KCNQ5: variants seen among roughly 807,000 people sequenced by gnomAD.
KCNQ5 encodes potassium voltage-gated channel subfamily Q member 5, also known as potassium voltage-gated channel subfamily KQT member 5.
A neutral mutation model predicts 98.2 loss-of-function variants in KCNQ5; 30 were observed. The observed-to-expected ratio is 0.31, with a 90% CI of 0.23 to 0.41. The LOEUF (loss-of-function observed/expected upper bound fraction) is 0.41. KCNQ5 is among the 10% of genes least tolerant of loss of function. KCNQ5 has a pLI of 1.00. For synonymous variants in KCNQ5, 458 were observed against 449.4 expected, an observed-to-expected ratio of 1.02 and a Z score of -0.24; for missense variants, 835 against 1,182.5, an observed-to-expected ratio of 0.71 and a Z score of 4.31.
chr6:73,055,234 CTA>C, intron 3 of KCNQ5: 1 of 1,241,374 alleles, frequency 8.1e-7, no homozygotes, highest in Non-Finnish European at 1.2e-6. Context: ...GAGATGCTGG[CTA>C]TGAGTTTGAC....
chr6:73,068,633 C>A lies in KCNQ5; in HGVS notation c.617-8689C>A, dbSNP rs772837583. Among the ~76,000 whole-genome samples, 143 of 152,154 alleles carry A rather than the reference C, an allele frequency of 9.4e-4. 1 individual carries two copies. The highest frequency in any genetic ancestry group is 3.4e-4 in the Non-Finnish European group (23 of 68,024). On this transcript the variant is annotated intron_variant, in intron 3 of 13. Coordinates refer to ENST00000370398, the MANE Select transcript of KCNQ5 (RefSeq NM_019842.4). ...TCAGTCACTTAACAAGGTAACCCAG[C>A]TATTAAGCAGCAGAGCCAGGATTGG...
chr6:72,693,742 A>G (rs1439642214), intron 1 of KCNQ5, among the ~76,000 whole-genome samples: 1 of 152,200 alleles, frequency 6.6e-6, no homozygotes, highest in African/African-American at 2.4e-5. Context: ...TAATAAGAAG[A>G]GGCATTAAAA....
At chr6:72,785,214 AAC>A in intron 1 of KCNQ5, among the ~76,000 whole-genome samples, 1 of 152,190 alleles carries the variant, frequency 6.6e-6, no homozygotes, top group Non-Finnish European at 1.5e-5. Flanking sequence ...ATGTTAGAGG[AAC>A]ACATGCCTGC....
At chr6:72,945,889 C>G (rs1013293950) in intron 1 of KCNQ5, among the ~76,000 whole-genome samples, 8 of 152,168 alleles carry the variant, frequency 5.3e-5, no homozygotes, top group Non-Finnish European at 8.8e-5. Context: ...TGACCGCTCA[C>G]AAATTTTAAC....
At chr6:72,641,923 T>C (rs1402929932) in intron 1 of KCNQ5, among the ~76,000 whole-genome samples, 1 of 151,846 alleles carries the variant, frequency 6.6e-6, no homozygotes, top group Non-Finnish European at 1.5e-5. Context: ...TTTATTTTTA[T>C]GAACAATTCT....
chr6:73,122,926 C>T (rs1775801754), intron 8 of KCNQ5, among the ~76,000 whole-genome samples: 1 of 152,132 alleles, frequency 6.6e-6, no homozygotes, highest in East Asian at 1.9e-4. Flanking sequence ...AGTGGCTTAC[C>T]GAATGGAGAG....
intron 1 of KCNQ5, among the ~76,000 whole-genome samples, chr6:72,861,827 T>TAA (rs34487550): frequency 0.2 from 29,998 of 147,046 alleles, 3,848 homozygotes; most frequent in South Asian, 0.34. Context: ...TAAAGTATAA[T>TAA]AAAAAAAAAA....
intron 1 of KCNQ5, among the ~76,000 whole-genome samples, chr6:72,858,522 T>C (rs1340995608): frequency 6.6e-6 from 1 of 151,822 alleles, no homozygotes; most frequent in Non-Finnish European, 1.5e-5. Flanking sequence ...AAAACATTTT[T>C]CTGAAAATAG....
At chr6:73,135,034 G>A (rs1776408932) in intron 10 of KCNQ5, 1 of 152,098 alleles carries the variant, frequency 6.6e-6, no homozygotes, top group African/African-American at 2.4e-5. Context: ...CTTTCTGGAG[G>A]GCAATTTGGC....
Position 73,029,735 on chromosome 6 carries a change from C to T in KCNQ5, c.490-12201C>T, listed in dbSNP as rs528013980. 1.1e-3 allele frequency among the ~76,000 whole-genome samples: 173 copies of T among 151,368 alleles called. 5 individuals carry two copies. The South Asian group carries it at 0.022, about 19-fold the overall frequency. On this transcript the variant is annotated intron_variant, in intron 2 of 13. Transcript: ENST00000370398. ...GATCACGAGGTCAGGAGATCGAGAC[C>T]ATCCTGCCTAACACGGTGAAACCCC...
intron 1 of KCNQ5, among the ~76,000 whole-genome samples, chr6:72,809,626 A>C (rs1316917828): frequency 6.6e-6 from 1 of 152,210 alleles, no homozygotes; most frequent in Non-Finnish European, 1.5e-5. Context: ...CACAGAACAC[A>C]TGTAAAAATT....
intron 1 of KCNQ5, among the ~76,000 whole-genome samples, chr6:72,915,546 T>C (rs189065067): frequency 9.7e-4 from 148 of 152,222 alleles, no homozygotes; most frequent in Non-Finnish European, 1.6e-3. Flanking sequence ...TCCCAGAAAA[T>C]AGCAGATTCC....
At chr6:72,652,931 C>T (rs549315903) in intron 1 of KCNQ5, among the ~76,000 whole-genome samples, 14 of 152,122 alleles carry the variant, frequency 9.2e-5, no homozygotes, top group South Asian at 4.2e-4. Flanking sequence ...TTTATATATA[C>T]GTATATAAAG....
At chr6:72,994,519 C>A (rs9446810) in intron 1 of KCNQ5, among the ~76,000 whole-genome samples, 1 of 142,606 alleles carries the variant, frequency 7.0e-6, no homozygotes, top group African/African-American at 2.7e-5. Flanking sequence ...TGCTTTGGCT[C>A]GCGCACGGTG....
chr6:72,868,101 A>G (rs1376784973), intron 1 of KCNQ5, among the ~76,000 whole-genome samples: 1 of 152,094 alleles, frequency 6.6e-6, no homozygotes, highest in African/African-American at 2.4e-5. Flanking sequence ...ATGTAACTTC[A>G]TGGGAGTCCT....
intron 3 of KCNQ5, among the ~76,000 whole-genome samples, chr6:73,059,748 T>G (rs897585087): frequency 1.3e-5 from 2 of 152,088 alleles, no homozygotes; most frequent in Non-Finnish European, 2.9e-5. Context: ...TTTTACCACT[T>G]GGGTCAAGAA....
In KCNQ5 at chr6:73,195,427, C is replaced by A; in HGVS notation, c.*13C>A. ...CAAACTGAAATAAGTTCTTCATTTT[C>A]TTTCCAGGCATAGCAGTTCTTTAGC... On this transcript the variant is annotated 3_prime_UTR_variant, in exon 14 of 14. Coordinates refer to ENST00000370398, the MANE Select transcript of KCNQ5 (RefSeq NM_019842.4). 6.2e-7 allele frequency: 1 copy of A among 1,607,472 alleles called. No homozygotes were observed. The highest frequency in any genetic ancestry group is 8.5e-7 in the Non-Finnish European group (1 of 1,175,470).
At chr6:72,819,125 T>C (rs1775637801) in intron 1 of KCNQ5, among the ~76,000 whole-genome samples, 1 of 151,874 alleles carries the variant, frequency 6.6e-6, no homozygotes, top group Non-Finnish European at 1.5e-5. Flanking sequence ...AGTTCGACAA[T>C]TTTATTTTTA....
rs1031352015 is a variant in KCNQ5, at chr6:72,986,970, C to T, written c.399-16938C>T. 2.0e-5 allele frequency: 16 copies of T among 800,896 alleles called. 1 individual carries two copies. Among genetic ancestry groups the T allele is most frequent in the Non-Finnish European group, 6.3e-6 (3 of 474,896 alleles). The allele number at this position is 800,896 out of a possible 1,614,324, so 49.6% of individuals were successfully genotyped here. ...ACGGAAGCAGAAGAGCCCCAGGGAG[C>T]ACAGTGGGAAGGTGAAGAAGAAGAA... On this transcript the variant is annotated intron_variant, in intron 1 of 13. Transcript: ENST00000370398.
Sources: allele counts gnomAD v4.1 joint callset (sites outside exome capture counted in the v4.1 genomes callset), GRCh38; gene constraint gnomAD v4.1.1; transcripts MANE v1.5; gene names NCBI Gene and HGNC (gene_info 2026-07-23, HGNC 2026-07-21).